The following FAP variants were observed in gnomAD, a reference collection of about 807,000 sequenced individuals.
The protein encoded by FAP is fibroblast activation protein alpha.
In FAP, 110 loss-of-function variants were observed where a neutral mutation model predicts 126.5. The ratio of observed to expected loss-of-function variants is 0.87; its 90% CI spans 0.74 to 1.02. FAP has a LOEUF of 1.02. Ranked by LOEUF, FAP falls within the 50% of genes least tolerant of loss-of-function variation. The pLI is 0.00. For missense variants in FAP, 919 were observed against 909.2 expected, an observed-to-expected ratio of 1.01 and a Z score of -0.14; for synonymous variants, 334 against 297.3, an observed-to-expected ratio of 1.12 and a Z score of -1.27.
intron 14 of FAP, among the ~76,000 whole-genome samples, chr2:162,201,223 G>T (rs1204320197): frequency 6.6e-6 from 1 of 151,982 alleles, no homozygotes; most frequent in African/African-American, 2.4e-5. Context: ...GTTCATCTGA[G>T]TATCAGAAAC....
At chr2:162,200,766 C>T in intron 14 of FAP, 147 bp from the exon 15 acceptor site, 1 of 483,512 alleles carries the variant, frequency 2.1e-6, no homozygotes, top group Non-Finnish European at 3.7e-6. Context: ...AACTGCTGTT[C>T]ATAACTGAAC....
chr2:162,171,328 A>G, intron 25 of FAP: 1 of 336,696 alleles, frequency 3.0e-6, no homozygotes, highest in Non-Finnish European at 5.5e-6. Flanking sequence ...CGCATCATCC[A>G]GCATCCTGGA....
chr2:162,184,191 A>G (rs926822294), intron 20 of FAP, among the ~76,000 whole-genome samples: 2 of 152,080 alleles, frequency 1.3e-5, no homozygotes, highest in Non-Finnish European at 2.9e-5. Flanking sequence ...AGCAATTGTG[A>G]TTTATCTGGG....
At chr2:162,202,168 T>A (rs184004613) in intron 14 of FAP, among the ~76,000 whole-genome samples, 25 of 152,352 alleles carry the variant, frequency 1.6e-4, no homozygotes, top group Non-Finnish European at 3.4e-4. Flanking sequence ...AGAAAGAAAG[T>A]ATACTTTTGT....
chr2:162,175,584 C>T (rs1400709736), intron 21 of FAP: 4 of 152,096 alleles, frequency 2.6e-5, no homozygotes, highest in Non-Finnish European at 5.9e-5. Flanking sequence ...TCATTGGTGT[C>T]TTTAAAAACC....
chr2:162,240,798 T>C (rs1334461336), intron 2 of FAP, among the ~76,000 whole-genome samples: 1 of 152,178 alleles, frequency 6.6e-6, no homozygotes, highest in Non-Finnish European at 1.5e-5. Flanking sequence ...TTCTCTGTTC[T>C]TTTTACCCCT....
chr2:162,212,842 G>C (rs1459749957), intron 11 of FAP, among the ~76,000 whole-genome samples: 2 of 151,994 alleles, frequency 1.3e-5, no homozygotes, highest in Non-Finnish European at 2.9e-5. Context: ...TTAAGAACAG[G>C]CTTATTTTAA....
chr2:162,228,413 G>A (rs1689750625), intron 2 of FAP, among the ~76,000 whole-genome samples: 1 of 152,096 alleles, frequency 6.6e-6, no homozygotes, highest in South Asian at 2.1e-4. Context: ...TGTAGTAAGA[G>A]CAAAATAATA....
Position 162,215,671 on chromosome 2 carries a change from A to G in FAP, c.866+227T>C, listed in dbSNP as rs187643422. Among the ~76,000 whole-genome samples, 55 of 152,306 alleles carry G rather than the reference A, an allele frequency of 3.6e-4. 1 individual carries two copies. Among genetic ancestry groups the G allele is most frequent in the African/African-American group, 1.2e-3 (48 of 41,552 alleles). ...GTTGGTCCCAAGTTCACATCTGTAC[A>G]TCTGAGGCAAGTTTCACTGAGATTG... On this transcript the variant is annotated intron_variant, in intron 10 of 25. Transcript: ENST00000188790.
At chr2:162,185,211 A>T (rs1687823378) in intron 20 of FAP, among the ~76,000 whole-genome samples, 1 of 152,188 alleles carries the variant, frequency 6.6e-6, no homozygotes, top group Non-Finnish European at 1.5e-5. Context: ...GTCTGGATTG[A>T]ACTTTATAAC....
intron 2 of FAP, among the ~76,000 whole-genome samples, chr2:162,233,252 A>G (rs1689973058): frequency 6.6e-6 from 1 of 152,132 alleles, no homozygotes; most frequent in Non-Finnish European, 1.5e-5. Flanking sequence ...CCTACCATTC[A>G]TGTAGTTTCT....
intron 20 of FAP, among the ~76,000 whole-genome samples, chr2:162,185,947 C>T (rs776573653): frequency 6.6e-6 from 1 of 152,098 alleles, no homozygotes; most frequent in Non-Finnish European, 1.5e-5. Flanking sequence ...TTCCTTTTCA[C>T]AGTTGCATAA....
intron 24 of FAP, 128 bp from the exon 25 acceptor site, chr2:162,173,012 T>G: frequency 9.1e-7 from 1 of 1,097,730 alleles, no homozygotes; most frequent in Non-Finnish European, 1.4e-6. Context: ...CAGTGAGTAA[T>G]CACACTCAGA....
chr2:162,233,424 A>G (rs1193871333), intron 2 of FAP, among the ~76,000 whole-genome samples: 2 of 151,932 alleles, frequency 1.3e-5, no homozygotes, highest in Non-Finnish European at 2.9e-5. Context: ...CTCCTCTGCA[A>G]TTTCATTCCT....
chr2:162,188,119 G>C (rs764274693), intron 20 of FAP, 50 bp downstream of exon 20: 1 of 1,403,498 alleles, frequency 7.1e-7, no homozygotes. Flanking sequence ...AATAGTGATT[G>C]CATGACTTTT....
chr2:162,184,484 C>G (rs1687796923), intron 20 of FAP, among the ~76,000 whole-genome samples: 1 of 152,330 alleles, frequency 6.6e-6, no homozygotes, highest in Admixed American at 6.5e-5. Flanking sequence ...AACCATTTCG[C>G]TCTTGCATTG....
intron 8 of FAP, among the ~76,000 whole-genome samples, chr2:162,218,377 A>G (rs1333768907): frequency 6.6e-6 from 1 of 152,128 alleles, no homozygotes; most frequent in Non-Finnish European, 1.5e-5. Flanking sequence ...CAGAAATGTA[A>G]TTTTTTAAAT....
chr2:162,219,052 A>G lies in FAP; in HGVS notation c.607+11T>C, dbSNP rs1326512877. 1.3e-6 allele frequency: 2 copies of G among 1,590,374 alleles called. No individual in the cohort carries two copies. Among genetic ancestry groups the G allele is most frequent in the Admixed American group, 3.5e-5 (2 of 57,024 alleles). On this transcript the variant is annotated intron_variant, in intron 8 of 25. Coordinates refer to ENST00000188790, the MANE Select transcript of FAP (RefSeq NM_004460.5). Reference sequence around the variant, plus strand: ...CTAAAGCATTAGCAGTAGAAAAGGAATACAGCTTACCTTCATAAACCCAGT... The same window carrying G: ...CTAAAGCATTAGCAGTAGAAAAGGAGTACAGCTTACCTTCATAAACCCAGT...
chr2:162,171,143 T>G, intron 25 of FAP, 63 bp from the exon 26 acceptor site: 1 of 1,283,316 alleles, frequency 7.8e-7, no homozygotes, highest in East Asian at 2.3e-5. Context: ...TAGCTTGGAC[T>G]TTTTTGTGCT....
Sources: allele counts gnomAD v4.1 joint callset (sites outside exome capture counted in the v4.1 genomes callset), GRCh38; gene constraint gnomAD v4.1.1; transcripts MANE v1.5; gene names NCBI Gene and HGNC (gene_info 2026-07-23, HGNC 2026-07-21).